SLC35F4: variants seen among roughly 807,000 people sequenced by gnomAD.
The protein encoded by SLC35F4 is solute carrier family 35 member F4.
In SLC35F4, 24 loss-of-function variants were observed where a neutral mutation model predicts 44.2. The ratio of observed to expected loss-of-function variants is 0.54; its 90% CI spans 0.39 to 0.76. SLC35F4 has a LOEUF of 0.76. Ranked by LOEUF, SLC35F4 falls within the 30% of genes least tolerant of loss-of-function variation. The pLI is 0.00. For synonymous variants in SLC35F4, 238 were observed against 223.6 expected (o/e 1.06, Z -0.57); for missense variants, 562 against 586.1 (o/e 0.96, Z 0.42).
At chr14:57,850,673 T>C (rs1294025495) in intron 1 of SLC35F4, among the ~76,000 whole-genome samples, 1 of 152,206 alleles carries the variant, frequency 6.6e-6, no homozygotes, top group African/African-American at 2.4e-5. Flanking sequence ...AAACTGCAAG[T>C]TCTTTTGGAA....
At chr14:57,947,182 T>C (rs968112357) in intron 1 of SLC35F4, among the ~76,000 whole-genome samples, 1 of 152,124 alleles carries the variant, frequency 6.6e-6, no homozygotes. Flanking sequence ...GTTTTCCTTG[T>C]AGAGATCTTT....
Position 57,720,979 on chromosome 14 carries a change from CATATAT to C in SLC35F4, c.104-126861_104-126856del, listed in dbSNP as rs3062932. ...TGATTGTGTGAGTTAATAAACTCCTCATATATATATATATATATATATATATATATA... is the reference window on the plus strand; with the variant it reads ...TGATTGTGTGAGTTAATAAACTCCTCATATATATATATATATATATATATA... On this transcript the variant is annotated intron_variant, in intron 1 of 7. Transcript: ENST00000556826. Among the ~76,000 whole-genome samples, 443 of 49,802 alleles carry C rather than the reference CATATAT, an allele frequency of 8.9e-3. 4 individuals carry two copies. The highest frequency in any genetic ancestry group is 0.025 in the African/African-American group (378 of 15,334). 32.7% of individuals were successfully genotyped at this position (49,802 alleles called of 152,430 possible).
intron 1 of SLC35F4, among the ~76,000 whole-genome samples, chr14:57,890,029 TG>T: frequency 6.6e-6 from 1 of 152,228 alleles, no homozygotes; most frequent in Non-Finnish European, 1.5e-5. Context: ...CTCCTCTCAC[TG>T]TGGATGCGGT....
At chr14:57,727,090 C>T (rs530253751) in intron 1 of SLC35F4, among the ~76,000 whole-genome samples, 5 of 151,144 alleles carry the variant, frequency 3.3e-5, no homozygotes, top group East Asian at 1.9e-4. Context: ...ACCTTGTGAT[C>T]GTGTGAGTTA....
intron 1 of SLC35F4, among the ~76,000 whole-genome samples, chr14:57,951,661 G>A (rs1051571170): frequency 3.3e-5 from 5 of 152,184 alleles, no homozygotes; most frequent in African/African-American, 9.7e-5. Context: ...TGTAAACAAA[G>A]CCTCAGGGAA....
intron 1 of SLC35F4, among the ~76,000 whole-genome samples, chr14:57,804,739 G>A (rs970945653): frequency 6.6e-6 from 1 of 152,148 alleles, no homozygotes; most frequent in Non-Finnish European, 1.5e-5. Flanking sequence ...AATGCCAAAA[G>A]CAATTGCAAC....
chr14:57,665,430 C>T (rs903202214), intron 1 of SLC35F4, among the ~76,000 whole-genome samples: 2 of 152,094 alleles, frequency 1.3e-5, no homozygotes, highest in Admixed American at 6.5e-5. Flanking sequence ...GAGGCAAGCA[C>T]GAGTACTGTC....
chr14:57,724,941 A>T (rs766439383), intron 1 of SLC35F4, among the ~76,000 whole-genome samples: 13 of 152,182 alleles, frequency 8.5e-5, no homozygotes, highest in Non-Finnish European at 1.8e-4. Context: ...GGCTGTAGCC[A>T]ATGGTTTGGC....
At chr14:57,916,318 A>G (rs2141054731) in intron 1 of SLC35F4, among the ~76,000 whole-genome samples, 1 of 152,248 alleles carries the variant, frequency 6.6e-6, no homozygotes, top group East Asian at 1.9e-4. Context: ...ACCTCTCAAC[A>G]CCGTTATGAT....
chr14:57,901,421 C>G (rs1003835511), intron 1 of SLC35F4, among the ~76,000 whole-genome samples: 1 of 152,114 alleles, frequency 6.6e-6, no homozygotes, highest in Non-Finnish European at 1.5e-5. Context: ...AATGCAGGAA[C>G]AGAAAACCAA....
intron 1 of SLC35F4, among the ~76,000 whole-genome samples, chr14:57,802,333 T>C (rs28757393): frequency 2.7e-4 from 41 of 151,806 alleles, no homozygotes; most frequent in African/African-American, 9.9e-4. Context: ...CAAAGCAGTG[T>C]TAAGAGGGAT....
At chr14:57,827,884 C>A (rs1883959154) in intron 1 of SLC35F4, among the ~76,000 whole-genome samples, 1 of 151,868 alleles carries the variant, frequency 6.6e-6, no homozygotes, top group African/African-American at 2.4e-5. Context: ...TGAACAATTT[C>A]CATAAAGCAT....
At chr14:57,980,135 T>C (rs1412294566) in intron 1 of SLC35F4, among the ~76,000 whole-genome samples, 1 of 152,180 alleles carries the variant, frequency 6.6e-6, no homozygotes, top group African/African-American at 2.4e-5. Flanking sequence ...CCTTAGGGTG[T>C]TGTTATGAGG....
intron 1 of SLC35F4, among the ~76,000 whole-genome samples, chr14:57,709,750 G>C (rs766922895): frequency 1.6e-4 from 25 of 152,140 alleles, no homozygotes; most frequent in Admixed American, 3.9e-4. Context: ...AGATCTCTTA[G>C]ATACCCTAAG....
At chr14:57,704,443 T>C (rs2075619641) in intron 1 of SLC35F4, among the ~76,000 whole-genome samples, 1 of 152,102 alleles carries the variant, frequency 6.6e-6, no homozygotes, top group South Asian at 2.1e-4. Flanking sequence ...TGGACTGTCT[T>C]AGAAAAAAAT....
intron 2 of SLC35F4, among the ~76,000 whole-genome samples, chr14:57,590,077 C>CT (rs112429463): frequency 0.039 from 5,443 of 138,880 alleles, 127 homozygotes; most frequent in South Asian, 0.11. Flanking sequence ...TTCCATTTTC[C>CT]TTTTTTTTTT....
chr14:57,573,088 T>C (rs972081874), intron 4 of SLC35F4, among the ~76,000 whole-genome samples: 9 of 140,702 alleles, frequency 6.4e-5, no homozygotes, highest in Admixed American at 6.3e-4. Flanking sequence ...AAGATAGCTT[T>C]TTAACATATG....
chr14:57,753,881 T>C (rs1350435116), intron 1 of SLC35F4, among the ~76,000 whole-genome samples: 1 of 152,116 alleles, frequency 6.6e-6, no homozygotes, highest in East Asian at 1.9e-4. Flanking sequence ...GGGAGGTATC[T>C]GTACCAGTTC....
rs533725830 is a variant in SLC35F4 at position 57,872,067 on chromosome 14, G to C, written n.282+109846C>G. On this transcript the variant is annotated intron_variant and non_coding_transcript_variant, in intron 1 of 1. Coordinates refer to the SLC35F4 transcript ENST00000556568. ...ATTATGAGTGGCACAGAGAACCAGA[G>C]AGAACACAAAATTTGAAACTCGTTA... Among the ~76,000 whole-genome samples, 386 of 152,260 alleles carry C rather than the reference G, an allele frequency of 2.5e-3. 1 individual carries two copies. Among genetic ancestry groups the C allele is most frequent in the African/African-American group, 9.0e-3 (375 of 41,550 alleles).
Sources: gnomAD v4.1 joint callset for allele counts (sites outside exome capture counted in the v4.1 genomes callset) on GRCh38, gnomAD v4.1.1 for gene constraint, MANE v1.5 for transcripts, NCBI Gene and HGNC (gene_info 2026-07-23, HGNC 2026-07-21) for gene names.